SRGAP3: variants seen among roughly 807,000 people sequenced by gnomAD.
The protein encoded by SRGAP3 is SLIT-ROBO Rho GTPase activating protein 3.
Under a neutral mutation model 121.1 loss-of-function variants are expected in SRGAP3, and 39 were observed. The observed-to-expected ratio is 0.32, with a 90% CI of 0.25 to 0.42. SRGAP3 has a LOEUF of 0.42. Among genes scored for constraint, SRGAP3 ranks in the 10% least tolerant of loss-of-function variants. The probability of loss-of-function intolerance (pLI) is 1.00; values close to 1 mark genes in which losing one functional copy is unlikely to be tolerated. For missense variants in SRGAP3, 1,213 were observed against 1,470.6 expected (o/e 0.82, Z 2.86); for synonymous variants, 601 against 570.0 (o/e 1.05, Z -0.77).
At chr3:9,154,447 AC>A (rs947023233) in intron 1 of SRGAP3, among the ~76,000 whole-genome samples, 7 of 143,604 alleles carry the variant, frequency 4.9e-5, no homozygotes, top group African/African-American at 1.6e-4. Flanking sequence ...GCTCAGCCCC[AC>A]CCCCCATCAA....
intron 8 of SRGAP3, among the ~76,000 whole-genome samples, chr3:9,053,799 T>C (rs1463520892): frequency 6.6e-6 from 1 of 152,202 alleles, no homozygotes; most frequent in Non-Finnish European, 1.5e-5. Context: ...AGTTTTTTCT[T>C]CTGGAATTTC....
intron 1 of SRGAP3, among the ~76,000 whole-genome samples, chr3:9,178,562 AGTCACAG>A (rs1329267231): frequency 2.0e-5 from 3 of 152,216 alleles, no homozygotes; most frequent in Non-Finnish European, 4.4e-5. Flanking sequence ...AGATCTCTCC[AGTCACAG>A]TTTAAAAAAC....
intron 3 of SRGAP3, among the ~76,000 whole-genome samples, chr3:9,103,115 G>A (rs1324212751): frequency 6.6e-6 from 1 of 152,174 alleles, no homozygotes; most frequent in Non-Finnish European, 1.5e-5. Context: ...AAGGAGACCA[G>A]AAGCATATTG....
At chr3:9,049,675 G>A (rs532381058) in intron 9 of SRGAP3, among the ~76,000 whole-genome samples, 20 of 152,258 alleles carry the variant, frequency 1.3e-4, no homozygotes, top group Middle Eastern at 3.4e-3. Flanking sequence ...AGAATAACTC[G>A]AGTCTAACCC....
At chr3:9,148,572 G>C (rs1950102899) in intron 1 of SRGAP3, among the ~76,000 whole-genome samples, 1 of 152,214 alleles carries the variant, frequency 6.6e-6, no homozygotes. Context: ...TACAACCACA[G>C]AGTGTTTGAT....
chr3:9,074,225 C>T (rs1227592277), intron 4 of SRGAP3, among the ~76,000 whole-genome samples: 3 of 152,096 alleles, frequency 2.0e-5, no homozygotes, highest in African/African-American at 7.2e-5. Flanking sequence ...AGAAAGATTC[C>T]AAACTATGTA....
chr3:9,270,649 A>G lies in SRGAP3; in HGVS notation n.442+55361T>C, dbSNP rs143942405. Among the ~76,000 whole-genome samples, 282 of 152,384 alleles carry G rather than the reference A, an allele frequency of 1.9e-3. 3 individuals carry two copies. The highest frequency in any genetic ancestry group is 6.4e-3 in the African/African-American group (267 of 41,596). ...CATAATACAAATATTATATACACAC[A>G]TATACACAATACCTATAATCATAAG... On this transcript the variant is annotated intron_variant and non_coding_transcript_variant, in intron 3 of 3. Coordinates refer to the SRGAP3 transcript ENST00000490889.
At chr3:9,353,737 C>A (rs2030329092) in intron 1 of SRGAP3, among the ~76,000 whole-genome samples, 1 of 152,180 alleles carries the variant, frequency 6.6e-6, no homozygotes, top group Admixed American at 6.5e-5. Flanking sequence ...GCTATTATTT[C>A]ATTAATAAGA....
At chr3:9,154,384 G>A (rs552209880) in intron 1 of SRGAP3, among the ~76,000 whole-genome samples, 1 of 152,196 alleles carries the variant, frequency 6.6e-6, no homozygotes, top group African/African-American at 2.4e-5. Flanking sequence ...GAGGGCCTGA[G>A]GATACAGGAT....
Position 8,990,771 on chromosome 3 carries a change from G to C in SRGAP3, c.2627C>G (p.Pro876Arg). 6.2e-7 allele frequency: 1 copy of C among 1,603,484 alleles called. No homozygotes were observed. Among genetic ancestry groups the C allele is most frequent in the Non-Finnish European group, 8.5e-7 (1 of 1,174,938 alleles). Residue 876 changes from proline to arginine, a missense_variant, in exon 21 of 22, where the codon CCC (proline) becomes CGC (arginine). By Grantham distance (103) the Pro-to-Arg change is moderately radical. Transcript: ENST00000383836. ...GTCTATGCTGGGGCCCAGGCCCCGG[G>C]GCGGGCTGTGTGTGTCGCCCCCGCT... The part of the protein sequence containing the change: ...RRSGGDTHSP[P>R]RGLGPSIDTP...
intron 14 of SRGAP3, among the ~76,000 whole-genome samples, chr3:9,019,705 T>C (rs1167482611): frequency 6.6e-6 from 1 of 152,216 alleles, no homozygotes; most frequent in African/African-American, 2.4e-5. Context: ...TGCTTCAGTA[T>C]GAATTAGAGA....
At chr3:9,136,593 T>A (rs1161440684) in intron 1 of SRGAP3, among the ~76,000 whole-genome samples, 1 of 152,228 alleles carries the variant, frequency 6.6e-6, no homozygotes, top group Non-Finnish European at 1.5e-5. Flanking sequence ...TATTAACCTT[T>A]ATCAAGCCAG....
intron 3 of SRGAP3, among the ~76,000 whole-genome samples, chr3:9,301,569 G>T (rs1056634382): frequency 1.3e-5 from 2 of 152,246 alleles, no homozygotes; most frequent in African/African-American, 2.4e-5. Flanking sequence ...TCTGTAAGGG[G>T]TGGGTCCTGT....
At chr3:8,999,257 T>C (rs1215835925) in intron 18 of SRGAP3, among the ~76,000 whole-genome samples, 7 of 152,104 alleles carry the variant, frequency 4.6e-5, no homozygotes, top group Non-Finnish European at 1.0e-4. Context: ...AGTGGAGGGA[T>C]TGGAGGGGAG....
chr3:9,278,645 G>A (rs1007278368), intron 3 of SRGAP3, among the ~76,000 whole-genome samples: 1 of 152,176 alleles, frequency 6.6e-6, no homozygotes, highest in African/African-American at 2.4e-5. Flanking sequence ...CATAGTGGGA[G>A]AGACACAGTC....
intron 2 of SRGAP3, among the ~76,000 whole-genome samples, chr3:9,115,720 A>G (rs971016242): frequency 1.3e-5 from 2 of 152,306 alleles, no homozygotes; most frequent in Admixed American, 1.3e-4. Flanking sequence ...TGGGACTTAG[A>G]GTGATTTGAT....
intron 1 of SRGAP3, among the ~76,000 whole-genome samples, chr3:9,159,362 C>CT (rs1389143858): frequency 6.6e-6 from 1 of 152,210 alleles, no homozygotes; most frequent in African/African-American, 2.4e-5. Flanking sequence ...TTACCTCCCC[C>CT]GGCCAGCTCG....
chr3:9,175,091 G>A (rs534879725), intron 1 of SRGAP3, among the ~76,000 whole-genome samples: 1 of 152,294 alleles, frequency 6.6e-6, no homozygotes, highest in Middle Eastern at 3.4e-3. Flanking sequence ...GGCCCTGTCA[G>A]CCAAACACCT....
chr3:9,194,235 T>C (rs956471663), intron 1 of SRGAP3: 4 of 151,906 alleles, frequency 2.6e-5, no homozygotes, highest in Admixed American at 1.3e-4. Flanking sequence ...ATATGGAAAA[T>C]AGTTGAAAGC....
Sources: allele counts gnomAD v4.1 joint callset (sites outside exome capture counted in the v4.1 genomes callset), GRCh38; gene constraint gnomAD v4.1.1; transcripts MANE v1.5; gene names NCBI Gene and HGNC (gene_info 2026-07-23, HGNC 2026-07-21).